Variants in RIMS1 observed in about 807,000 individuals in gnomAD.
RIMS1 encodes regulating synaptic membrane exocytosis protein 1.
Under a neutral mutation model 214.1 loss-of-function variants are expected in RIMS1, and 83 were observed. The observed-to-expected ratio is 0.39, with a 90% CI of 0.32 to 0.47. The LOEUF (loss-of-function observed/expected upper bound fraction) is 0.47, where lower values mean the gene tolerates loss of function less well. RIMS1 is among the 20% of genes least tolerant of loss of function. The pLI is 0.99. For missense variants in RIMS1, 2,050 were observed against 2,161.8 expected (o/e 0.95, Z 1.03); for synonymous variants, 793 against 786.8 (o/e 1.01, Z -0.13).
chr6:72,183,258 T>A, intron 6 of RIMS1, 109 bp downstream of exon 6: 1 of 1,074,768 alleles, frequency 9.3e-7, no homozygotes, highest in Non-Finnish European at 1.3e-6. Context: ...CTGGGAATGC[T>A]CACAGATAAG....
chr6:72,086,512 A>T (rs1362763716), intron 2 of RIMS1, among the ~76,000 whole-genome samples: 1 of 152,172 alleles, frequency 6.6e-6, no homozygotes, highest in Admixed American at 6.5e-5. Flanking sequence ...TATGCCTGAC[A>T]CCTGTAAACA....
At chr6:72,103,950 A>C (rs754305873) in intron 4 of RIMS1, among the ~76,000 whole-genome samples, 3 of 152,192 alleles carry the variant, frequency 2.0e-5, no homozygotes, top group Non-Finnish European at 4.4e-5. Context: ...TTATTCATAC[A>C]TAAAAATGCT....
intron 1 of RIMS1, among the ~76,000 whole-genome samples, chr6:71,957,514 C>T (rs1290122734): frequency 7.0e-6 from 1 of 142,070 alleles, no homozygotes; most frequent in Non-Finnish European, 1.5e-5. Context: ...ATGACTTTGA[C>T]AAAAGTGGTG....
chr6:72,033,115 G>A (rs1818612020), intron 2 of RIMS1, among the ~76,000 whole-genome samples: 1 of 152,132 alleles, frequency 6.6e-6, no homozygotes, highest in Non-Finnish European at 1.5e-5. Flanking sequence ...TGACCCTCCC[G>A]TTTCTTTGTA....
At chr6:71,963,741 T>G (rs1408657527) in intron 1 of RIMS1, among the ~76,000 whole-genome samples, 1 of 152,154 alleles carries the variant, frequency 6.6e-6, no homozygotes, top group East Asian at 1.9e-4. Context: ...AACTTTTTGG[T>G]TATTTATTTT....
chr6:71,928,852 A>T (rs923819671), intron 1 of RIMS1, among the ~76,000 whole-genome samples: 2 of 152,144 alleles, frequency 1.3e-5, no homozygotes, highest in Admixed American at 1.3e-4. Flanking sequence ...AAAATCATTG[A>T]CACAGAATAG....
At chr6:72,139,289 C>T (rs1475000811) in intron 4 of RIMS1, among the ~76,000 whole-genome samples, 1 of 152,282 alleles carries the variant, frequency 6.6e-6, no homozygotes, top group East Asian at 1.9e-4. Context: ...GGTTACTTTG[C>T]TGTTCATGAG....
intron 2 of RIMS1, among the ~76,000 whole-genome samples, chr6:72,049,637 TC>T (rs1356978803): frequency 6.6e-6 from 1 of 152,194 alleles, no homozygotes; most frequent in Admixed American, 6.5e-5. Context: ...AGTTCTTACT[TC>T]ACTCCCAACC....
chr6:72,215,679 A>G (rs1355504500), intron 6 of RIMS1, among the ~76,000 whole-genome samples: 4 of 152,194 alleles, frequency 2.6e-5, no homozygotes, highest in Admixed American at 6.5e-5. Flanking sequence ...CCCAACAATA[A>G]CTTGGTCAGG....
intron 1 of RIMS1, among the ~76,000 whole-genome samples, chr6:71,933,114 G>T (rs1404635408): frequency 2.0e-5 from 3 of 152,148 alleles, no homozygotes; most frequent in Non-Finnish European, 4.4e-5. Flanking sequence ...GAATGGGAGA[G>T]TGGGGAGTAA....
At chr6:71,971,106 G>A (rs1361252155) in intron 2 of RIMS1, among the ~76,000 whole-genome samples, 1 of 152,106 alleles carries the variant, frequency 6.6e-6, no homozygotes, top group Non-Finnish European at 1.5e-5. Flanking sequence ...TCTCTATATG[G>A]TAACTGTGTC....
At chr6:72,066,704 C>G (rs369469791) in intron 2 of RIMS1, among the ~76,000 whole-genome samples, 1 of 152,102 alleles carries the variant, frequency 6.6e-6, no homozygotes, top group Non-Finnish European at 1.5e-5. Context: ...ACCACTTTCC[C>G]GAGGTCCCAA....
At chr6:72,333,871 C>A (rs193257354) in intron 29 of RIMS1, 36 bp downstream of exon 29, 10 of 1,425,896 alleles carry the variant, frequency 7.0e-6, no homozygotes, top group African/African-American at 1.4e-5. Flanking sequence ...CAACTCAATT[C>A]TTTTATGGAG....
chr6:72,145,149 A>G (rs1489527830), intron 4 of RIMS1, among the ~76,000 whole-genome samples: 1 of 152,192 alleles, frequency 6.6e-6, no homozygotes, highest in Non-Finnish European at 1.5e-5. Context: ...TATGTTTCCC[A>G]TAGGCTTTTT....
At chr6:71,957,109 C>A (rs965430634) in intron 1 of RIMS1, among the ~76,000 whole-genome samples, 4 of 151,944 alleles carry the variant, frequency 2.6e-5, no homozygotes, top group African/African-American at 9.7e-5. Context: ...AAATATTGCA[C>A]AACAAAGGGA....
intron 2 of RIMS1, among the ~76,000 whole-genome samples, chr6:71,996,000 T>C (rs1176110220): frequency 1.3e-5 from 2 of 152,160 alleles, no homozygotes; most frequent in African/African-American, 4.8e-5. Context: ...TTGGCCAGGC[T>C]GGTCTCAAAC....
At chr6:72,323,108 A>G (rs1444852692) in intron 28 of RIMS1, among the ~76,000 whole-genome samples, 1 of 152,110 alleles carries the variant, frequency 6.6e-6, no homozygotes, top group Non-Finnish European at 1.5e-5. Flanking sequence ...AGAAATAAGC[A>G]TTACACTCTG....
chr6:72,039,158 A>AAAG (rs10701381), intron 2 of RIMS1, among the ~76,000 whole-genome samples: 118,619 of 151,712 alleles, frequency 0.78, 47,171 homozygotes, highest in African/African-American at 0.94. Context: ...GGGCTTTCCA[A>AAAG]AAGAAGTACC....
At position 72,313,503 on chromosome 6, in the gene RIMS1, T is replaced by C. The variant is rs368768929; in HGVS notation, c.3964-3T>C. On this transcript the variant is annotated splice_polypyrimidine_tract_variant and splice_region_variant and intron_variant, in intron 27 of 33. Coordinates refer to ENST00000521978, the MANE Select transcript of RIMS1 (RefSeq NM_014989.7). The stretch of plus-strand genomic sequence containing the variant: ...CTCACACTTTCTTGTTTTTAATCTT[T>C]AGTATAACATACATAAAGATCAGTA... 51 of 1,611,950 alleles carry C rather than the reference T, an allele frequency of 3.2e-5. No individual in the cohort carries two copies. Among genetic ancestry groups the C allele is most frequent in the Non-Finnish European group, 4.1e-5 (48 of 1,178,888 alleles).
Sources: allele counts gnomAD v4.1 joint callset (sites outside exome capture counted in the v4.1 genomes callset), GRCh38; gene constraint gnomAD v4.1.1; transcripts MANE v1.5; gene names NCBI Gene and HGNC (gene_info 2026-07-23, HGNC 2026-07-21).